The following GALNT13 variants were observed in gnomAD, a reference collection of about 807,000 sequenced individuals.
The protein encoded by GALNT13 is polypeptide N-acetylgalactosaminyltransferase 13.
In GALNT13, 28 loss-of-function variants were observed where a neutral mutation model predicts 64.2. The ratio of observed to expected loss-of-function variants is 0.44; its 90% CI spans 0.32 to 0.60. The LOEUF (loss-of-function observed/expected upper bound fraction) is 0.60. Ranked by LOEUF, GALNT13 falls within the 20% of genes least tolerant of loss-of-function variation. The probability of loss-of-function intolerance (pLI) is 0.05; values close to 1 mark genes in which losing one functional copy is unlikely to be tolerated. For missense variants in GALNT13, 577 were observed against 669.8 expected (o/e 0.86, Z 1.53); for synonymous variants, 214 against 224.6 (o/e 0.95, Z 0.42).
the GALNT13 span, among the ~76,000 whole-genome samples, chr2:153,525,561 T>C: frequency 6.6e-6 from 1 of 152,136 alleles, no homozygotes; most frequent in Admixed American, 6.5e-5. Flanking sequence ...GATTTGATTT[T>C]CACTGAAGTG....
At chr2:153,966,842 A>G (rs1254244264) in intron 3 of GALNT13, among the ~76,000 whole-genome samples, 1 of 151,864 alleles carries the variant, frequency 6.6e-6, no homozygotes, top group Non-Finnish European at 1.5e-5. Flanking sequence ...CTGTCTCTAT[A>G]TCCTCTTTAA....
chr2:153,878,250 T>C (rs1010566822), intron 1 of GALNT13, among the ~76,000 whole-genome samples: 4 of 152,148 alleles, frequency 2.6e-5, no homozygotes, highest in African/African-American at 9.7e-5. Context: ...TAAATTAAGC[T>C]CCCTGTACAT....
intron 2 of GALNT13, among the ~76,000 whole-genome samples, chr2:153,931,966 T>TG (rs1443944694): frequency 1.5e-4 from 23 of 152,268 alleles, no homozygotes; most frequent in Non-Finnish European, 2.5e-4. Context: ...TGGTAGAATT[T>TG]GGCTGTTAAT....
chr2:154,037,200 C>T (rs1479516239), intron 3 of GALNT13, among the ~76,000 whole-genome samples: 1 of 151,978 alleles, frequency 6.6e-6, no homozygotes, highest in Non-Finnish European at 1.5e-5. Context: ...AATAGAAAAT[C>T]ACCCAACTTA....
chr2:153,307,022 C>G, the GALNT13 span, among the ~76,000 whole-genome samples: 2 of 152,198 alleles, frequency 1.3e-5, no homozygotes, highest in Non-Finnish European at 2.9e-5. Context: ...AGGCATGAGC[C>G]AACGCACCCA....
chr2:154,258,912 G>A (rs1690534510), intron 7 of GALNT13, 109 bp from the exon 8 acceptor site: 4 of 596,504 alleles, frequency 6.7e-6, no homozygotes, highest in Non-Finnish European at 1.2e-5. Context: ...TTTTTAGTTT[G>A]AGATTTTTTA....
chr2:153,475,424 A>G, the GALNT13 span, among the ~76,000 whole-genome samples: 20 of 152,288 alleles, frequency 1.3e-4, no homozygotes, highest in African/African-American at 4.8e-4. Context: ...ATAAATGTGG[A>G]TAGTTGAGAT....
the GALNT13 span, among the ~76,000 whole-genome samples, chr2:153,533,723 CTTTTTTTT>C: frequency 1.8e-4 from 9 of 48,726 alleles, no homozygotes; most frequent in East Asian, 1.1e-3. Flanking sequence ...TGAGGTTTTT[CTTTTTTTT>C]TTTTTTTTTT....
intron 11 of GALNT13, among the ~76,000 whole-genome samples, chr2:154,417,833 C>A (rs1700088987): frequency 6.6e-6 from 1 of 151,944 alleles, no homozygotes; most frequent in Admixed American, 6.6e-5. Context: ...TATGTAAATT[C>A]TATCAATCTA....
the GALNT13 span, among the ~76,000 whole-genome samples, chr2:153,351,363 T>C: frequency 6.6e-6 from 1 of 152,156 alleles, no homozygotes; most frequent in Non-Finnish European, 1.5e-5. Context: ...GCATAGAGAT[T>C]TCCATTATAC....
At chr2:153,886,898 T>C (rs1687217351) in intron 1 of GALNT13, among the ~76,000 whole-genome samples, 1 of 150,926 alleles carries the variant, frequency 6.6e-6, no homozygotes, top group South Asian at 2.1e-4. Flanking sequence ...TAGGAGACAG[T>C]AAAACACAAT....
At chr2:153,996,406 A>G (rs1574291736) in intron 3 of GALNT13, among the ~76,000 whole-genome samples, 1 of 151,978 alleles carries the variant, frequency 6.6e-6, no homozygotes, top group East Asian at 1.9e-4. Flanking sequence ...TATGGTTTTT[A>G]TTTGCATTTC....
chr2:154,142,549 CAAAAAAA>C (rs71396392), intron 4 of GALNT13, among the ~76,000 whole-genome samples: 3 of 66,494 alleles, frequency 4.5e-5, no homozygotes, highest in South Asian at 6.3e-4. Context: ...AACTCTGTCT[CAAAAAAA>C]AAAAAAAAAA....
chr2:153,199,498 A>G, the GALNT13 span, among the ~76,000 whole-genome samples: 2 of 152,180 alleles, frequency 1.3e-5, no homozygotes, highest in Non-Finnish European at 2.9e-5. Flanking sequence ...GCTGGTCTTA[A>G]GCCATGCTGG....
chr2:153,607,971 C>T, the GALNT13 span, among the ~76,000 whole-genome samples: 7 of 151,988 alleles, frequency 4.6e-5, no homozygotes, highest in East Asian at 1.9e-4. Flanking sequence ...GTATATTTTC[C>T]GCTTTAAAAA....
chr2:153,381,131 G>A, the GALNT13 span, among the ~76,000 whole-genome samples: 1 of 151,896 alleles, frequency 6.6e-6, no homozygotes, highest in Non-Finnish European at 1.5e-5. Context: ...TTTTTTTGTA[G>A]AGACAGGGTG....
the GALNT13 span, among the ~76,000 whole-genome samples, chr2:153,366,449 A>G: frequency 6.6e-6 from 1 of 152,026 alleles, no homozygotes; most frequent in Non-Finnish European, 1.5e-5. Flanking sequence ...AAGAAGGACA[A>G]CAGAAATTAT....
At position 153,911,545 on chromosome 2, in the gene GALNT13, A is replaced by G. The variant is rs555023430; in HGVS notation, c.-105+10538A>G. On this transcript the variant is annotated intron_variant, in intron 2 of 12. Transcript: ENST00000392825. ...AAATGTGTTTCTGTAGCGGCTGGTA[A>G]CAGTCTTTCCTTTCCATATTTAGTG... 3.9e-5 allele frequency among the ~76,000 whole-genome samples: 6 copies of G among 152,242 alleles called. No individual in the cohort carries two copies. The East Asian group carries it at 1.2e-3, about 29-fold the overall frequency.
chr2:154,312,004 T>C (rs943654601), intron 9 of GALNT13, among the ~76,000 whole-genome samples: 2 of 152,148 alleles, frequency 1.3e-5, no homozygotes, highest in African/African-American at 4.8e-5. Context: ...CAAACACACA[T>C]GCTGTACAAT....
Sources: gnomAD v4.1 joint callset for allele counts (sites outside exome capture counted in the v4.1 genomes callset) on GRCh38, gnomAD v4.1.1 for gene constraint, MANE v1.5 for transcripts, NCBI Gene and HGNC (gene_info 2026-07-23, HGNC 2026-07-21) for gene names.